Variants in PRKAR1B observed in about 807,000 individuals in gnomAD.
PRKAR1B encodes the protein protein kinase cAMP-dependent type I regulatory subunit beta.
In PRKAR1B, 22 loss-of-function variants were observed where a neutral mutation model predicts 46.5. That is an observed-to-expected ratio of 0.47 (90% CI 0.34 to 0.68). The LOEUF (loss-of-function observed/expected upper bound fraction) is 0.68, where lower values mean the gene tolerates loss of function less well. Ranked by LOEUF, PRKAR1B falls within the 30% of genes least tolerant of loss-of-function variation. The pLI, the probability that PRKAR1B is intolerant of heterozygous loss-of-function variation, is 0.01. For missense variants in PRKAR1B, 445 were observed against 535.6 expected, an observed-to-expected ratio of 0.83 and a Z score of 1.67; for synonymous variants, 259 against 217.7, an observed-to-expected ratio of 1.19 and a Z score of -1.67.
rs1241892078 is a variant in PRKAR1B, at chr7:685,345, T to TACACAC, written c.178-4620_178-4619insGTGTGT. Among the ~76,000 whole-genome samples, 107 of 81,736 alleles carry TACACAC rather than the reference T, an allele frequency of 1.3e-3. 22 individuals are homozygous for TACACAC. The highest frequency in any genetic ancestry group is 5.4e-3 in the African/African-American group (98 of 18,274). The allele number at this position is 81,736 out of a possible 152,430, so 53.6% of individuals were successfully genotyped here. On this transcript the variant is annotated intron_variant, in intron 2 of 10. Transcript: ENST00000537384. ...ATATATACGTATATATACGTATATA[T>TACACAC]ATGTATACATATATATATACACATA...
chr7:715,865 G>A (rs1458821296), intron 1 of PRKAR1B, among the ~76,000 whole-genome samples: 19 of 151,810 alleles, frequency 1.3e-4, no homozygotes, highest in East Asian at 3.9e-4. Flanking sequence ...ACAGGCGCCC[G>A]CCACCGCGCC....
intron 9 of PRKAR1B, among the ~76,000 whole-genome samples, chr7:562,593 G>A (rs189199382): frequency 1.3e-5 from 2 of 152,218 alleles, no homozygotes; most frequent in South Asian, 2.1e-4. Flanking sequence ...GCCAAGCCCC[G>A]GCCTCCAGGG....
At chr7:645,368 T>C (rs1784571865) in intron 4 of PRKAR1B, among the ~76,000 whole-genome samples, 3 of 152,172 alleles carry the variant, frequency 2.0e-5, no homozygotes, top group South Asian at 4.1e-4. Flanking sequence ...TCACTCAGTC[T>C]ACTTGGGCGC....
Position 644,435 on chromosome 7 carries a change from G to A in PRKAR1B, c.440+32794C>T, listed in dbSNP as rs766279128. 1.2e-4 allele frequency among the ~76,000 whole-genome samples: 18 copies of A among 152,212 alleles called. No homozygotes were observed. Among genetic ancestry groups the A allele is most frequent in the Middle Eastern group, 6.8e-3 (2 of 292 alleles). ...TGCAGAGGCTGAGGGGGGTCTCCACGGGAAGCCCTCTCTGCCTGCAGGCTC... is the reference window on the plus strand; with the variant it reads ...TGCAGAGGCTGAGGGGGGTCTCCACAGGAAGCCCTCTCTGCCTGCAGGCTC... On this transcript the variant is annotated intron_variant, in intron 4 of 10. Transcript: ENST00000537384. This position sits in a 1 kb window ranked among gnomAD's most constrained non-coding sequence, Gnocchi z 4.9.
At chr7:703,218 G>A (rs1780152839) in intron 2 of PRKAR1B, among the ~76,000 whole-genome samples, 2 of 152,148 alleles carry the variant, frequency 1.3e-5, no homozygotes, top group East Asian at 1.9e-4. Context: ...AATCCCAAAT[G>A]TATATGCAAC....
chr7:682,773 G>C (rs1042886427), intron 2 of PRKAR1B, among the ~76,000 whole-genome samples: 2 of 151,974 alleles, frequency 1.3e-5, no homozygotes, highest in Non-Finnish European at 2.9e-5. Context: ...TTAAGGAAAA[G>C]AGATTTCAAC....
At chr7:691,296 T>G (rs995477191) in intron 2 of PRKAR1B, among the ~76,000 whole-genome samples, 22 of 152,056 alleles carry the variant, frequency 1.4e-4, no homozygotes, top group Non-Finnish European at 2.6e-4. Flanking sequence ...TTTCCATCCG[T>G]GAAATGAGCC....
At chr7:556,242 T>A (rs1174973550) in intron 9 of PRKAR1B, among the ~76,000 whole-genome samples, 2 of 149,872 alleles carry the variant, frequency 1.3e-5, no homozygotes, top group Non-Finnish European at 3.0e-5. Context: ...ACCCACCACG[T>A]GCCAGGCACC....
At chr7:624,468 G>GT (rs1423741332) in intron 4 of PRKAR1B, among the ~76,000 whole-genome samples, 4 of 152,082 alleles carry the variant, frequency 2.6e-5, no homozygotes, top group African/African-American at 9.7e-5. Flanking sequence ...CTTTGAATGG[G>GT]TTTTTCTTTC....
chr7:693,719 C>T (rs1007684539), intron 2 of PRKAR1B, among the ~76,000 whole-genome samples: 6 of 152,122 alleles, frequency 3.9e-5, no homozygotes, highest in African/African-American at 1.4e-4. Context: ...CATGTAGAGG[C>T]GTGTGTTTGA....
chr7:718,110 G>C (rs967811271), intron 1 of PRKAR1B, among the ~76,000 whole-genome samples: 4 of 151,922 alleles, frequency 2.6e-5, no homozygotes, highest in African/African-American at 9.7e-5. Context: ...GTGCACTTGG[G>C]AACGGTCCCT....
chr7:623,711 C>T (rs779988010), intron 4 of PRKAR1B, among the ~76,000 whole-genome samples: 105 of 152,244 alleles, frequency 6.9e-4, no homozygotes, highest in Non-Finnish European at 1.4e-3. Flanking sequence ...GCTCCTTCCT[C>T]CACCGCAAGA....
intron 1 of PRKAR1B, among the ~76,000 whole-genome samples, chr7:715,312 TGAC>T (rs1156603462): frequency 6.6e-6 from 1 of 152,102 alleles, no homozygotes; most frequent in Non-Finnish European, 1.5e-5. Context: ...AAACACACAC[TGAC>T]AACCCCATTA....
chr7:622,526 TC>T (rs1489070214), intron 4 of PRKAR1B, among the ~76,000 whole-genome samples: 2 of 152,228 alleles, frequency 1.3e-5, no homozygotes, highest in Admixed American at 1.3e-4. Context: ...TATTAGCACT[TC>T]CAACATGTCT....
At chr7:589,156 T>G (rs572646153) in intron 7 of PRKAR1B, among the ~76,000 whole-genome samples, 3 of 151,260 alleles carry the variant, frequency 2.0e-5, no homozygotes, top group Admixed American at 2.0e-4. Context: ...TGACTCCCCA[T>G]GCCCTTGGAC....
intron 10 of PRKAR1B, 134 bp from the exon 11 acceptor site, chr7:550,736 A>G: frequency 1.5e-6 from 1 of 678,696 alleles, no homozygotes; most frequent in Non-Finnish European, 2.4e-6. Flanking sequence ...AATTTCAAAC[A>G]AACTTGTAGC....
intron 4 of PRKAR1B, among the ~76,000 whole-genome samples, chr7:636,590 C>G (rs1784121136): frequency 6.6e-6 from 1 of 152,238 alleles, no homozygotes; most frequent in Admixed American, 6.5e-5. Context: ...TTCTGACAGC[C>G]AATGCTCTGC....
chr7:558,270 G>T (rs1421111310), intron 9 of PRKAR1B, among the ~76,000 whole-genome samples: 1 of 145,352 alleles, frequency 6.9e-6, no homozygotes, highest in Non-Finnish European at 1.5e-5. Context: ...AGGCTGCAGT[G>T]AGCCATGATT....
intron 6 of PRKAR1B, among the ~76,000 whole-genome samples, chr7:604,719 C>T (rs1465649575): frequency 1.3e-5 from 2 of 152,318 alleles, no homozygotes; most frequent in East Asian, 3.9e-4. Flanking sequence ...TAAATGCCCT[C>T]CCCAGAATAG....
Sources: allele counts gnomAD v4.1 joint callset (sites outside exome capture counted in the v4.1 genomes callset), GRCh38; gene constraint gnomAD v4.1.1; non-coding constraint Gnocchi (gnomAD v3.1); transcripts MANE v1.5; gene names NCBI Gene and HGNC (gene_info 2026-07-23, HGNC 2026-07-21).